SCEL: variants seen among roughly 807,000 people sequenced by gnomAD.
SCEL encodes the protein sciellin.
Under a neutral mutation model 117.6 loss-of-function variants are expected in SCEL, and 113 were observed. That is an observed-to-expected ratio of 0.96 (90% CI 0.83 to 1.12). The LOEUF is 1.12. Among genes scored for constraint, SCEL ranks in the 50% most tolerant of loss-of-function variants. SCEL has a pLI of 0.00. For synonymous variants in SCEL, 270 were observed against 256.2 expected, an observed-to-expected ratio of 1.05 and a Z score of -0.51; for missense variants, 785 against 810.8, an observed-to-expected ratio of 0.97 and a Z score of 0.39.
Position 77,594,450 on chromosome 13 carries a change from C to G in SCEL, c.752+877C>G, listed in dbSNP as rs141445188. Among the ~76,000 whole-genome samples, 782 of 152,358 alleles carry G rather than the reference C, an allele frequency of 5.1e-3. 13 individuals carry two copies. Among genetic ancestry groups the G allele is most frequent in the African/African-American group, 0.018 (739 of 41,586 alleles). On this transcript the variant is annotated intron_variant, in intron 12 of 32. Coordinates refer to ENST00000349847, the MANE Select transcript of SCEL (RefSeq NM_144777.3). ...TCCAGCCTCAAGCCACCATGCCAAT[C>G]CATCCAAGCCCTGCCCATTGTTCAA...
At chr13:77,596,015 G>A (rs2087208057) in intron 12 of SCEL, among the ~76,000 whole-genome samples, 1 of 152,122 alleles carries the variant, frequency 6.6e-6, no homozygotes, top group African/African-American at 2.4e-5. Flanking sequence ...GTGTTTCTAA[G>A]TGCAATTAAA....
intron 8 of SCEL, among the ~76,000 whole-genome samples, chr13:77,571,225 G>A (rs1381544864): frequency 1.4e-5 from 2 of 139,328 alleles, no homozygotes; most frequent in Admixed American, 7.0e-5. Context: ...GGTGGATCAC[G>A]AGGTCAGGAG....
At position 77,604,420 on chromosome 13, in the gene SCEL, G is replaced by A; in HGVS notation, c.1157+5G>A. The A allele has an allele frequency of 1.3e-6, 2 of 1,575,092 alleles. No individual in the cohort carries two copies. The highest frequency in any genetic ancestry group is 1.2e-5 in the South Asian group (1 of 83,594). ...AACAAATAAAAATATTACGAGGTAA[G>A]ACATTTAAAGCTCCCCCCTCCCCTT... On this transcript the variant is annotated splice_donor_5th_base_variant and intron_variant, in intron 19 of 32. Coordinates refer to ENST00000349847, the MANE Select transcript of SCEL (RefSeq NM_144777.3).
intron 4 of SCEL, among the ~76,000 whole-genome samples, chr13:77,561,259 C>T (rs1281650540): frequency 1.3e-5 from 2 of 152,228 alleles, no homozygotes; most frequent in African/African-American, 4.8e-5. Flanking sequence ...AAATACGCTT[C>T]ATATTCTTAA....
chr13:77,579,728 A>C (rs2086162157), intron 9 of SCEL, among the ~76,000 whole-genome samples: 1 of 152,118 alleles, frequency 6.6e-6, no homozygotes, highest in African/African-American at 2.4e-5. Flanking sequence ...GGGAGGCAGT[A>C]GACGTTGTAT....
At chr13:77,601,535 G>T (rs1340292519) in intron 15 of SCEL, among the ~76,000 whole-genome samples, 2 of 152,164 alleles carry the variant, frequency 1.3e-5, no homozygotes, top group African/African-American at 2.4e-5. Context: ...ATTAGCATGT[G>T]AAAGTTTTAT....
rs1401025692 is a variant in SCEL at position 77,617,954 on chromosome 13, C to T, written c.1572-50C>T. On this transcript the variant is annotated intron_variant, in intron 26 of 32. Transcript: ENST00000349847. ...TGTTGCTTTATTGACCTAGCACAAC[C>T]CCAAAATCTATTACCAATCTGAACT... 3 of 1,594,220 alleles carry T rather than the reference C, an allele frequency of 1.9e-6. No homozygotes were observed. In the East Asian group the frequency reaches 6.7e-5, roughly 36 times the overall value.
chr13:77,617,465 A>G lies in SCEL; in HGVS notation c.1452-134A>G. The G allele has an allele frequency of 1.2e-5, 7 of 568,946 alleles. No homozygotes were observed. The South Asian group carries it at 1.9e-4, about 15-fold the overall frequency. The allele number at this position is 568,946 out of a possible 1,614,324, so 35.2% of individuals were successfully genotyped here. On this transcript the variant is annotated intron_variant, in intron 24 of 32. Coordinates refer to ENST00000349847, the MANE Select transcript of SCEL (RefSeq NM_144777.3). ...TAATTCTTCATCCCCTAAATTGGTTAGAAAACGTATTTCATAGTTAGTCAA... is the reference window on the plus strand; with the variant it reads ...TAATTCTTCATCCCCTAAATTGGTTGGAAAACGTATTTCATAGTTAGTCAA...
chr13:77,622,316 T>C (rs2089466655), intron 27 of SCEL, among the ~76,000 whole-genome samples: 1 of 152,208 alleles, frequency 6.6e-6, no homozygotes, highest in Admixed American at 6.5e-5. Flanking sequence ...GAAGAACAGT[T>C]AGGAGTGAGC....
chr13:77,621,627 A>G (rs1030650918), intron 27 of SCEL, among the ~76,000 whole-genome samples: 3 of 152,118 alleles, frequency 2.0e-5, no homozygotes, highest in Non-Finnish European at 4.4e-5. Flanking sequence ...TGCCTTGTTT[A>G]TTTATTTACC....
chr13:77,637,086 C>T (rs766063150), intron 29 of SCEL, 34 bp from the exon 30 acceptor site: 2 of 1,100,924 alleles, frequency 1.8e-6, no homozygotes, highest in Non-Finnish European at 2.7e-6. Context: ...GGAAAATCAC[C>T]TGATTCTCAC....
At position 77,638,207 on chromosome 13, in the gene SCEL, A is replaced by T. The variant is rs570824860; in HGVS notation, c.1838+1013A>T. Among the ~76,000 whole-genome samples, 3 of 152,322 alleles carry T rather than the reference A, an allele frequency of 2.0e-5. No homozygotes were observed. In the East Asian group the frequency reaches 5.8e-4, roughly 29 times the overall value. ...GAACCTATGTTCCATTTTCTAAGGG[A>T]AACATGGGTGAACCAGGTATCAAAA... On this transcript the variant is annotated intron_variant, in intron 30 of 32. Transcript: ENST00000349847.
chr13:77,573,627 ATCTG>A (rs2085767645), intron 9 of SCEL, among the ~76,000 whole-genome samples: 1 of 151,116 alleles, frequency 6.6e-6, no homozygotes, highest in African/African-American at 2.4e-5. Context: ...CTTTTTTTAT[ATCTG>A]TCATTACATC....
chr13:77,599,096 A>G (rs887527136), intron 13 of SCEL, among the ~76,000 whole-genome samples: 2 of 152,210 alleles, frequency 1.3e-5, no homozygotes, highest in Non-Finnish European at 2.9e-5. Context: ...TAACACCTCT[A>G]TAGACCTATT....
intron 1 of SCEL, among the ~76,000 whole-genome samples, chr13:77,540,972 G>A (rs1407303998): frequency 6.6e-6 from 1 of 152,188 alleles, no homozygotes; most frequent in Non-Finnish European, 1.5e-5. Context: ...CACAAGAGAT[G>A]TTGAATTATA....
chr13:77,599,828 A>C (rs1171403485), intron 15 of SCEL, 80 bp downstream of exon 15: 3 of 994,188 alleles, frequency 3.0e-6, no homozygotes, highest in Non-Finnish European at 4.8e-6. Context: ...CCTGCTTAGT[A>C]CAAGGGTCAG....
chr13:77,549,031 G>A (rs550467680), intron 1 of SCEL, among the ~76,000 whole-genome samples: 1 of 152,114 alleles, frequency 6.6e-6, no homozygotes, highest in African/African-American at 2.4e-5. Context: ...ATGTGATGCA[G>A]GTATCCCTTT....
chr13:77,644,479 G>C lies in SCEL; in HGVS notation c.*205G>C. On this transcript the variant is annotated 3_prime_UTR_variant, in exon 33 of 33. Transcript: ENST00000349847. ...AAGAGCCATCTGGTCTCTGGCTAGA[G>C]TTAGCAATAAAAAGTTCAAATGGTT... 1.9e-6 allele frequency: 1 copy of C among 538,444 alleles called. No individual in the cohort carries two copies. The highest frequency in any genetic ancestry group is 5.1e-4 in the Middle Eastern group (1 of 1,978). The allele number at this position is 538,444 out of a possible 1,614,324, so 33.4% of individuals were successfully genotyped here.
Position 77,593,570 on chromosome 13 carries a change from A to G in SCEL, c.749A>G (p.Lys250Arg). ...KVATSLQRSDKGEELDNLIKM... is the reference protein window; with the variant it reads ...KVATSLQRSDRGEELDNLIKM... ...GCCACTTCACTTCAGAGAAGTGACA[A>G]AGGGTGAGATCTCAGAGCTTTTGAG... is the stretch of plus-strand genomic sequence containing the variant. Residue 250 changes from lysine (K) to arginine (R), a missense_variant, in exon 12 of 33, where the codon AAA (lysine) becomes AGA (arginine). Physicochemically the swap from Lys to Arg is conservative, Grantham distance 26. Coordinates refer to ENST00000349847, the MANE Select transcript of SCEL (RefSeq NM_144777.3). The G allele has an allele frequency of 6.2e-7, 1 of 1,611,702 alleles. No individual in the cohort carries two copies. The highest frequency in any genetic ancestry group is 8.5e-7 in the Non-Finnish European group (1 of 1,178,144).
Sources: allele counts gnomAD v4.1 joint callset (sites outside exome capture counted in the v4.1 genomes callset), GRCh38; gene constraint gnomAD v4.1.1; transcripts MANE v1.5; gene names NCBI Gene and HGNC (gene_info 2026-07-23, HGNC 2026-07-21).